Variants in BPTF observed in about 807,000 individuals in gnomAD.
BPTF encodes nucleosome-remodeling factor subunit BPTF.
BPTF carries 18 observed loss-of-function variants against 292.5 expected under a neutral mutation model. That is an observed-to-expected ratio of 0.06 (90% CI 0.04 to 0.09). The LOEUF (loss-of-function observed/expected upper bound fraction) is 0.09. BPTF is among the 10% of genes least tolerant of loss of function. The pLI, the probability that BPTF is intolerant of heterozygous loss-of-function variation, is 1.00. For missense variants in BPTF, 2,726 were observed against 3,498.7 expected (o/e 0.78, Z 5.57); for synonymous variants, 1,225 against 1,251.9 (o/e 0.98, Z 0.45).
At position 67,959,670 on chromosome 17, in the gene BPTF, T is replaced by TCACCTCCCCCTC. The variant is rs1568185027; in HGVS notation, c.8062_8073dup (p.Pro2688_Pro2691dup). 8.1e-7 allele frequency: 1 copy of TCACCTCCCCCTC among 1,228,812 alleles called. No individual in the cohort carries two copies. The highest frequency in any genetic ancestry group is 1.1e-6 in the Non-Finnish European group (1 of 906,212). The allele number at this position is 1,228,812 out of a possible 1,614,324, so 76.1% of individuals were successfully genotyped here. On this transcript the variant is annotated inframe_insertion, in exon 24 of 28. Transcript: ENST00000306378. The stretch of plus-strand genomic sequence containing the variant: ...TCCAGCCCCTCCAGCCCCTCCACCT[T>TCACCTCCCCCTC]CACCTCCCCCTCCACCTGCTGTGCA...
At chr17:67,883,842 A>G (rs1169405290) in intron 4 of BPTF, among the ~76,000 whole-genome samples, 2 of 151,902 alleles carry the variant, frequency 1.3e-5, no homozygotes, top group Non-Finnish European at 2.9e-5. Context: ...CTCATGTTCC[A>G]CCTGCCTTGG....
intron 27 of BPTF, chr17:67,981,984 AATATAT>A (rs35063149): frequency 0.016 from 2,162 of 137,998 alleles, 39 homozygotes; most frequent in African/African-American, 0.041. Flanking sequence ...TTATTAGACA[AATATAT>A]ATATATATAT....
At chr17:67,896,567 A>G (rs550505657) in intron 7 of BPTF, among the ~76,000 whole-genome samples, 1 of 152,368 alleles carries the variant, frequency 6.6e-6, no homozygotes, top group East Asian at 1.9e-4. Context: ...AAATCTATAT[A>G]CTACATACAT....
At chr17:67,897,341 C>CAAAAAAAAAAAAAA (rs750678904) in intron 7 of BPTF, among the ~76,000 whole-genome samples, 4 of 17,766 alleles carry the variant, frequency 2.3e-4, no homozygotes, top group African/African-American at 4.0e-4. Flanking sequence ...AACTCTGTCT[C>CAAAAAAAAAAAAAA]AAAAAAAAAA....
intron 4 of BPTF, among the ~76,000 whole-genome samples, chr17:67,888,458 T>C (rs2060884422): frequency 6.6e-6 from 1 of 151,618 alleles, no homozygotes; most frequent in Non-Finnish European, 1.5e-5. Context: ...GGCATGGTGG[T>C]GTGTGCCTGT....
chr17:67,930,586 T>C (rs574686588), intron 17 of BPTF, among the ~76,000 whole-genome samples: 3 of 152,152 alleles, frequency 2.0e-5, no homozygotes, highest in Non-Finnish European at 4.4e-5. Flanking sequence ...AGTTTTAAAT[T>C]TTTGAAAATG....
intron 23 of BPTF, 97 bp from the exon 24 acceptor site, chr17:67,959,444 C>A: frequency 2.1e-6 from 2 of 942,646 alleles, no homozygotes; most frequent in Non-Finnish European, 3.0e-6. Flanking sequence ...AACTGTGGAG[C>A]TACTTTGACA....
At chr17:67,960,104 A>C in intron 24 of BPTF, 1 of 429,132 alleles carries the variant, frequency 2.3e-6, no homozygotes, top group Non-Finnish European at 4.1e-6. Context: ...TTTCTGTCAA[A>C]AACAAGCTTT....
Position 67,926,070 on chromosome 17 carries a change from C to T in BPTF, c.5751+1481C>T, listed in dbSNP as rs192751860. On this transcript the variant is annotated intron_variant, in intron 15 of 27. Transcript: ENST00000306378. ...CCCAGGCTGCTGGAGTGCAGTGGCA[C>T]GATCATGGCTCACCACATTCTCAAT... Among the ~76,000 whole-genome samples the T allele has an allele frequency of 3.9e-3, 511 of 129,832 alleles. 7 individuals carry two copies. In the Admixed American group the frequency reaches 0.04, roughly 10 times the overall value. The allele number at this position is 129,832 out of a possible 152,430, so 85.2% of individuals were successfully genotyped here. A position where few individuals can be genotyped will look rare whatever the true frequency, so the allele number is the denominator to read the frequency against.
intron 2 of BPTF, among the ~76,000 whole-genome samples, chr17:67,865,595 G>A (rs920276544): frequency 6.6e-5 from 10 of 152,218 alleles, no homozygotes; most frequent in African/African-American, 2.4e-4. Context: ...AGTTCCCTCA[G>A]TTTGCCATTG....
intron 3 of BPTF, among the ~76,000 whole-genome samples, chr17:67,872,124 C>T (rs1382585318): frequency 6.6e-6 from 1 of 152,150 alleles, no homozygotes; most frequent in Admixed American, 6.5e-5. Flanking sequence ...CTGCGCCCAG[C>T]CCTGTTTTTG....
In BPTF at chr17:67,891,905, A is replaced by T. The variant is rs2061141749; in HGVS notation, c.1926A>T (p.Lys642Asn). The T allele has an allele frequency of 6.2e-7, 1 of 1,611,954 alleles. No individual in the cohort carries two copies. Among genetic ancestry groups the T allele is most frequent in the African/African-American group, 1.3e-5 (1 of 74,810 alleles). Reference protein sequence around the residue: ...GELSESPGAGKGASGSTRIIT... With the variant: ...GELSESPGAGNGASGSTRIIT... ...TAAGTGAATCTCCTGGAGCTGGAAA[A>T]GGAGCATCTGGCTCAACTCGAATCA... Residue 642 changes from lysine to asparagine, a missense_variant, in exon 5 of 28, where the codon AAA becomes AAT. By Grantham distance (94) the Lys-to-Asn change is moderately conservative. This residue lies in a region of BPTF where 187 missense variants were observed against 201.5 expected (regional missense o/e 0.93). Transcript: ENST00000306378.
intron 15 of BPTF, among the ~76,000 whole-genome samples, chr17:67,927,006 G>A (rs2063969632): frequency 6.6e-6 from 1 of 151,870 alleles, no homozygotes; most frequent in Non-Finnish European, 1.5e-5. Flanking sequence ...ATGAGAAATT[G>A]TGTAAAGTAC....
At position 67,854,416 on chromosome 17, in the gene BPTF, C is replaced by T; in HGVS notation, c.1090C>T (p.Leu364=). 1 of 1,614,156 alleles carries T rather than the reference C, an allele frequency of 6.2e-7. No homozygotes were observed. The highest frequency in any genetic ancestry group is 8.5e-7 in the Non-Finnish European group (1 of 1,180,018). The change falls in exon 2 of 28, where the codon CTA becomes TTA. Residue 364 remains leucine, a synonymous_variant. Transcript: ENST00000306378. The surrounding 1 kb of genome is among the most constrained non-coding windows in gnomAD (Gnocchi z 5.6). ...YGPVENKIKV[L]QFLVDQFLTT... Reference sequence around the variant, plus strand: ...ACCAGTAGAGAACAAGATCAAAGTTCTACAGTTTCTAGTCGATCAGTTTCT... The same window carrying T: ...ACCAGTAGAGAACAAGATCAAAGTTTTACAGTTTCTAGTCGATCAGTTTCT...
At chr17:67,933,721 G>A (rs978223859) in intron 18 of BPTF, among the ~76,000 whole-genome samples, 58 of 152,234 alleles carry the variant, frequency 3.8e-4, no homozygotes, top group African/African-American at 1.3e-3. Flanking sequence ...ATTAAACTAT[G>A]TATCAACTTT....
intron 23 of BPTF, among the ~76,000 whole-genome samples, chr17:67,949,069 TA>T (rs2066034624): frequency 6.6e-6 from 1 of 152,130 alleles, no homozygotes; most frequent in African/African-American, 2.4e-5. Context: ...AGGAATTTAT[TA>T]AAAAATGAAA....
At position 67,966,663 on chromosome 17, in the gene BPTF, A is replaced by G; in HGVS notation, c.8539+7A>G. The G allele has an allele frequency of 6.6e-7, 1 of 1,507,672 alleles. No homozygotes were observed. The highest frequency in any genetic ancestry group is 8.9e-7 in the Non-Finnish European group (1 of 1,123,906). 93.4% of individuals were successfully genotyped at this position (1,507,672 alleles called of 1,614,324 possible). A position where few individuals can be genotyped will look rare whatever the true frequency, so the allele number is the denominator to read the frequency against. ...GTTATTAAGGAACCTATGGGTAAGT[A>G]CATGAGTTGAATATGAAGTTTTTCA... On this transcript the variant is annotated splice_region_variant and intron_variant, in intron 26 of 27. Transcript: ENST00000306378.
intron 4 of BPTF, among the ~76,000 whole-genome samples, chr17:67,883,018 A>G (rs968485877): frequency 2.8e-5 from 4 of 144,826 alleles, no homozygotes; most frequent in Admixed American, 6.8e-5. Context: ...AAAAAAAAAA[A>G]AAGAAAAGAA....
chr17:67,946,685 C>A (rs1042835786), intron 21 of BPTF, among the ~76,000 whole-genome samples: 3 of 152,220 alleles, frequency 2.0e-5, no homozygotes. Flanking sequence ...TGAAAGTTGT[C>A]ATTCCTTAGT....
Sources: allele counts gnomAD v4.1 joint callset (sites outside exome capture counted in the v4.1 genomes callset), GRCh38; gene constraint gnomAD v4.1.1; regional missense constraint gnomAD v4.1.1; non-coding constraint Gnocchi (gnomAD v3.1); transcripts MANE v1.5; gene names NCBI Gene and HGNC (gene_info 2026-07-23, HGNC 2026-07-21).